Variants in KIAA1217 observed in about 807,000 individuals in gnomAD.
KIAA1217 encodes sickle tail protein homolog.
Under a neutral mutation model 163.9 loss-of-function variants are expected in KIAA1217, and 88 were observed. The observed-to-expected ratio is 0.54, with a 90% CI of 0.45 to 0.64. The LOEUF is 0.64. KIAA1217 is among the 30% of genes least tolerant of loss of function. The pLI is 0.00. For synonymous variants in KIAA1217, 903 were observed against 923.1 expected (o/e 0.98, Z 0.39); for missense variants, 2,372 against 2,475.0 (o/e 0.96, Z 0.88).
intron 2 of KIAA1217, among the ~76,000 whole-genome samples, chr10:24,251,635 C>T (rs962535260): frequency 1.3e-5 from 2 of 152,054 alleles, no homozygotes; most frequent in Non-Finnish European, 2.9e-5. Flanking sequence ...GGGGCTCCCC[C>T]TCTCCATCCC....
intron 2 of KIAA1217, among the ~76,000 whole-genome samples, chr10:24,183,766 T>C (rs752590616): frequency 2.6e-5 from 4 of 152,166 alleles, no homozygotes; most frequent in African/African-American, 9.7e-5. Context: ...TTCCTAAAAA[T>C]GAATCAAAAT....
chr10:23,719,801 C>G (rs550680770), intron 1 of KIAA1217, among the ~76,000 whole-genome samples: 1 of 151,626 alleles, frequency 6.6e-6, no homozygotes, highest in Non-Finnish European at 1.5e-5. Context: ...GCCTGTAGTC[C>G]CAGCTACTCA....
Position 24,292,720 on chromosome 10 carries a change from G to T in KIAA1217, c.354+72811G>T, listed in dbSNP as rs554215740. On this transcript the variant is annotated intron_variant, in intron 2 of 20. Coordinates refer to ENST00000376454, the MANE Select transcript of KIAA1217 (RefSeq NM_019590.5). The stretch of plus-strand genomic sequence containing the variant: ...TGGTAAGGAAAAACTGCTGAGTCAT[G>T]ATTGACATGGGCTGTTTCAAGAGTT... Among the ~76,000 whole-genome samples, 3 of 152,280 alleles carry T rather than the reference G, an allele frequency of 2.0e-5. No individual in the cohort carries two copies. The East Asian group carries it at 5.8e-4, about 29-fold the overall frequency.
chr10:23,946,383 C>A (rs890802730), intron 1 of KIAA1217, among the ~76,000 whole-genome samples: 2 of 150,788 alleles, frequency 1.3e-5, no homozygotes, highest in Non-Finnish European at 2.9e-5. Flanking sequence ...CTGACTGAGT[C>A]TCATTAGGGC....
chr10:24,431,719 C>T (rs1432948992), intron 3 of KIAA1217, among the ~76,000 whole-genome samples: 1 of 152,150 alleles, frequency 6.6e-6, no homozygotes, highest in African/African-American at 2.4e-5. Context: ...ATCACACTTG[C>T]TAATATCCCA....
chr10:23,938,552 G>T (rs1411450724), intron 1 of KIAA1217, among the ~76,000 whole-genome samples: 1 of 151,814 alleles, frequency 6.6e-6, no homozygotes, highest in African/African-American at 2.4e-5. Flanking sequence ...TTTAAAATTT[G>T]TATTACTTTG....
intron 1 of KIAA1217, among the ~76,000 whole-genome samples, chr10:23,709,543 A>T (rs1051428848): frequency 2.6e-5 from 4 of 152,062 alleles, no homozygotes; most frequent in Admixed American, 6.6e-5. Context: ...AAAGAAAAAA[A>T]AAAAATAAAG....
Position 24,501,444 on chromosome 10 carries a change from C to G in KIAA1217, c.1900C>G (p.Pro634Ala). The G allele has an allele frequency of 2.5e-6, 4 of 1,614,082 alleles. No homozygotes were observed. The South Asian group carries it at 3.3e-5, about 13-fold the overall frequency. The part of the protein sequence containing the change: ...ALESTVPPSQ[P>A]PPVGTSAIHM... The stretch of plus-strand genomic sequence containing the variant: ...GGAGTCCACGGTGCCTCCCAGCCAG[C>G]CTCCACCTGTGGGCACCTCAGCCAT... The change falls in exon 9 of 21, where the codon CCT becomes GCT. Residue 634 changes from proline to alanine, a missense_variant. Pro to Ala is a conservative substitution (Grantham distance 27). Coordinates refer to ENST00000376454, the MANE Select transcript of KIAA1217 (RefSeq NM_019590.5).
intron 11 of KIAA1217, 119 bp from the exon 12 acceptor site, chr10:24,521,663 G>A: frequency 8.1e-7 from 1 of 1,232,996 alleles, no homozygotes; most frequent in Non-Finnish European, 1.1e-6. Context: ...ACCTGAAGAT[G>A]TGTGAGCCAC....
At chr10:23,737,886 A>G (rs1050166418) in intron 1 of KIAA1217, among the ~76,000 whole-genome samples, 1 of 151,588 alleles carries the variant, frequency 6.6e-6, no homozygotes, top group Non-Finnish European at 1.5e-5. Flanking sequence ...TCTGGATGAT[A>G]TTGTTAGCTA....
intron 6 of KIAA1217, chr10:24,482,879 G>A (rs2064888314): frequency 6.6e-6 from 1 of 152,088 alleles, no homozygotes; most frequent in South Asian, 2.1e-4. Context: ...GAAAAATTAG[G>A]TGTGGTGGCA....
At chr10:24,420,886 C>G (rs181581926) in intron 3 of KIAA1217, among the ~76,000 whole-genome samples, 1 of 152,182 alleles carries the variant, frequency 6.6e-6, no homozygotes, top group African/African-American at 2.4e-5. Context: ...TTTGTCCTAT[C>G]CGTGTGCCAA....
chr10:24,314,929 G>A (rs1295616723), intron 2 of KIAA1217, among the ~76,000 whole-genome samples: 1 of 152,078 alleles, frequency 6.6e-6, no homozygotes, highest in Admixed American at 6.5e-5. Flanking sequence ...GGGCGACAGA[G>A]CGAGACTGTC....
At chr10:23,968,200 G>C (rs950370412) in intron 1 of KIAA1217, among the ~76,000 whole-genome samples, 1 of 152,072 alleles carries the variant, frequency 6.6e-6, no homozygotes, top group Non-Finnish European at 1.5e-5. Flanking sequence ...ATAAATCTAA[G>C]AATCTATATT....
intron 2 of KIAA1217, among the ~76,000 whole-genome samples, chr10:24,065,077 C>G (rs1422049914): frequency 1.3e-5 from 2 of 152,004 alleles, no homozygotes; most frequent in African/African-American, 4.8e-5. Context: ...TTTTGTTGAT[C>G]CTTTCAAAAA....
upstream of KIAA1217, among the ~76,000 whole-genome samples, chr10:24,206,823 G>C (rs1315635057): frequency 1.3e-5 from 2 of 151,894 alleles, no homozygotes; most frequent in Non-Finnish European, 2.9e-5. Flanking sequence ...CCCGTATGGG[G>C]GAGGGGAGGG....
intron 1 of KIAA1217, among the ~76,000 whole-genome samples, chr10:24,006,529 G>A (rs1242075661): frequency 6.6e-6 from 1 of 152,096 alleles, no homozygotes; most frequent in Non-Finnish European, 1.5e-5. Context: ...GCAGGGGGAG[G>A]TTGCAATGTC....
intron 2 of KIAA1217, among the ~76,000 whole-genome samples, chr10:24,227,677 C>T (rs540519760): frequency 1.4e-4 from 21 of 151,940 alleles, no homozygotes; most frequent in African/African-American, 2.4e-4. Flanking sequence ...GGACTACAGG[C>T]GCCCGCCACC....
At chr10:23,950,193 CA>C (rs1211942911) in intron 1 of KIAA1217, among the ~76,000 whole-genome samples, 1 of 152,158 alleles carries the variant, frequency 6.6e-6, no homozygotes, top group Admixed American at 6.5e-5. Flanking sequence ...GGCAGTGATC[CA>C]GCCTCTGCCT....
Sources: allele counts gnomAD v4.1 joint callset (sites outside exome capture counted in the v4.1 genomes callset), GRCh38; gene constraint gnomAD v4.1.1; transcripts MANE v1.5; gene names NCBI Gene and HGNC (gene_info 2026-07-23, HGNC 2026-07-21).